SORL1: variants seen among roughly 807,000 people sequenced by gnomAD.
The protein encoded by SORL1 is sortilin-related receptor.
A neutral mutation model predicts 273.7 loss-of-function variants in SORL1; 127 were observed. The observed-to-expected ratio is 0.46, with a 90% CI of 0.40 to 0.54. SORL1 has a LOEUF of 0.54. Among genes scored for constraint, SORL1 ranks in the 20% least tolerant of loss-of-function variants. SORL1 has a pLI of 0.00. For missense variants in SORL1, 2,494 were observed against 2,846.1 expected (o/e 0.88, Z 2.81); for synonymous variants, 1,031 against 1,067.4 (o/e 0.97, Z 0.66).
intron 6 of SORL1, among the ~76,000 whole-genome samples, chr11:121,503,583 G>A (rs756184527): frequency 1.3e-5 from 2 of 151,958 alleles, no homozygotes; most frequent in Non-Finnish European, 2.9e-5. Flanking sequence ...TGAACTCCCA[G>A]GCTTAAAGGT....
intron 32 of SORL1, among the ~76,000 whole-genome samples, chr11:121,603,455 TTA>T (rs1448078569): frequency 2.0e-5 from 3 of 152,280 alleles, no homozygotes; most frequent in Non-Finnish European, 4.4e-5. Context: ...GCATTTGCAA[TTA>T]TACGGTCATT....
Position 121,522,528 on chromosome 11 carries a change from C to T in SORL1, c.1405-58C>T, listed in dbSNP as rs1433539614. On this transcript the variant is annotated intron_variant, in intron 9 of 47. Transcript: ENST00000260197. ...CCCCTCACACAGGCCGCAGGGTTTA[C>T]AGGGAACGCTAGGCATGGTATCATG... 4.6e-6 allele frequency: 6 copies of T among 1,305,014 alleles called. No homozygotes were observed. The East Asian group carries it at 6.9e-5, about 15-fold the overall frequency. The allele number at this position is 1,305,014 out of a possible 1,614,324, so 80.8% of individuals were successfully genotyped here.
intron 30 of SORL1, chr11:121,590,592 C>T (rs969757983): frequency 6.9e-6 from 4 of 583,640 alleles, no homozygotes; most frequent in Non-Finnish European, 1.2e-5. Flanking sequence ...CAGACTTGCC[C>T]CTTTCCTTTC....
chr11:121,485,148 C>G (rs888333970), intron 3 of SORL1, among the ~76,000 whole-genome samples: 1 of 151,982 alleles, frequency 6.6e-6, no homozygotes, highest in African/African-American at 2.4e-5. Context: ...GTTATATGAG[C>G]GTAGGGAGTG....
chr11:121,577,358 G>A lies in SORL1; in HGVS notation c.3538G>A (p.Asp1180Asn). 6.2e-7 allele frequency: 1 copy of A among 1,613,508 alleles called. No homozygotes were observed. Among genetic ancestry groups the A allele is most frequent in the Non-Finnish European group, 8.5e-7 (1 of 1,179,682 alleles). Residue 1180 changes from aspartate to asparagine, a missense_variant, in exon 25 of 48, where the codon GAC becomes AAC. By Grantham distance (23) the Asp-to-Asn change is conservative. Coordinates refer to ENST00000260197, the MANE Select transcript of SORL1 (RefSeq NM_003105.6). ...CIRSSWVCDG[D>N]NDCRDWSDEA... Reference sequence around the variant, plus strand: ...CCGCTCCTCCTGGGTATGTGACGGGGACAACGACTGCAGGGACTGGTCTGA... The same window carrying A: ...CCGCTCCTCCTGGGTATGTGACGGGAACAACGACTGCAGGGACTGGTCTGA...
At chr11:121,471,337 T>C (rs1861163594) in intron 2 of SORL1, among the ~76,000 whole-genome samples, 1 of 152,286 alleles carries the variant, frequency 6.6e-6, no homozygotes, top group African/African-American at 2.4e-5. Flanking sequence ...AACTGCTGAG[T>C]CTTACAAGTT....
Position 121,520,979 on chromosome 11 carries a change from G to A in SORL1, c.1404+130G>A, listed in dbSNP as rs141198600. The stretch of plus-strand genomic sequence containing the variant: ...TGGTATTCTATTAATATCACATGGA[G>A]CAGACTTCTATTTGTGTTGCTACAC... On this transcript the variant is annotated intron_variant, in intron 9 of 47. Coordinates refer to ENST00000260197, the MANE Select transcript of SORL1 (RefSeq NM_003105.6). 715 of 541,362 alleles carry A rather than the reference G, an allele frequency of 1.3e-3. 1 individual carries two copies. The highest frequency in any genetic ancestry group is 0.013 in the African/African-American group (661 of 50,980). The allele number at this position is 541,362 out of a possible 1,614,324, so 33.5% of individuals were successfully genotyped here.
chr11:121,454,344 A>G (rs1190415669), intron 1 of SORL1, among the ~76,000 whole-genome samples: 1 of 152,220 alleles, frequency 6.6e-6, no homozygotes, highest in Non-Finnish European at 1.5e-5. Context: ...GTTTAGGTTG[A>G]GGAAAAAGTT....
chr11:121,596,305 A>G lies in SORL1; in HGVS notation c.4519+533A>G, dbSNP rs1203182496. On this transcript the variant is annotated intron_variant, in intron 32 of 47. Transcript: ENST00000260197. The surrounding 1 kb of genome is among the most constrained non-coding windows in gnomAD (Gnocchi z 4.3). ...ATCTGAGCCCAGTGTGAGGTGATGC[A>G]TGCATTCTCTACGGGTTTGGAGTTG... Among the ~76,000 whole-genome samples the G allele has an allele frequency of 6.6e-6, 1 of 152,200 alleles. No homozygotes were observed. Among genetic ancestry groups the G allele is most frequent in the South Asian group, 2.1e-4 (1 of 4,832 alleles).
At chr11:121,505,200 A>T (rs952286726) in intron 6 of SORL1, among the ~76,000 whole-genome samples, 1 of 151,994 alleles carries the variant, frequency 6.6e-6, no homozygotes, top group Non-Finnish European at 1.5e-5. Context: ...TCTTTCTAGT[A>T]ATTTGTTCAT....
chr11:121,539,660 A>AT (rs916538386), intron 12 of SORL1, among the ~76,000 whole-genome samples: 9 of 151,660 alleles, frequency 5.9e-5, no homozygotes, highest in Admixed American at 3.9e-4. Context: ...TTATTCAAAG[A>AT]TTTTTTTCTT....
Position 121,627,867 on chromosome 11 carries a change from C to G in SORL1, c.6577+100C>G. 1.3e-6 allele frequency: 1 copy of G among 750,052 alleles called. No individual in the cohort carries two copies. The highest frequency in any genetic ancestry group is 2.1e-6 in the Non-Finnish European group (1 of 465,514). 46.5% of individuals were successfully genotyped at this position (750,052 alleles called of 1,614,324 possible). ...ACCCACCTTCAGCTCCTCTTTTGAC[C>G]CTGGAGGAGCTCTTCATCAGCCAGC... is the stretch of plus-strand genomic sequence containing the variant. On this transcript the variant is annotated intron_variant, in intron 47 of 47. Coordinates refer to ENST00000260197, the MANE Select transcript of SORL1 (RefSeq NM_003105.6). The surrounding 1 kb of genome is among the most constrained non-coding windows in gnomAD (Gnocchi z 4.9).
At position 121,455,618 on chromosome 11, in the gene SORL1, G is replaced by T. The variant is rs1454636830; in HGVS notation, c.285+3002G>T. Among the ~76,000 whole-genome samples the T allele has an allele frequency of 2.0e-5, 3 of 152,328 alleles. No homozygotes were observed. The East Asian group carries it at 5.8e-4, about 29-fold the overall frequency. On this transcript the variant is annotated intron_variant, in intron 1 of 47. Transcript: ENST00000260197. ...TCAGTTTCTCTAAGGTGGGGAGACC[G>T]GCTTCTGCCATGATTACTTAAAGGC...
chr11:121,629,341 A>G (rs1863841743), intron 47 of SORL1, 155 bp from the exon 48 acceptor site: 5 of 575,230 alleles, frequency 8.7e-6, no homozygotes, highest in Non-Finnish European at 1.3e-5. Context: ...AAGCTGGGCT[A>G]GGTTTCACAG....
At chr11:121,547,297 A>G (rs1005276086) in intron 14 of SORL1, among the ~76,000 whole-genome samples, 1 of 149,948 alleles carries the variant, frequency 6.7e-6, no homozygotes, top group South Asian at 2.1e-4. Flanking sequence ...AAGACTAAGT[A>G]AAAAATAGGT....
At chr11:121,456,855 G>A (rs1193736156) in intron 1 of SORL1, among the ~76,000 whole-genome samples, 1 of 152,296 alleles carries the variant, frequency 6.6e-6, no homozygotes, top group East Asian at 1.9e-4. Flanking sequence ...GGGACAAAAG[G>A]CCTCCTTTGG....
At chr11:121,629,291 A>C (rs973215143) in intron 47 of SORL1, 2 of 524,606 alleles carry the variant, frequency 3.8e-6, no homozygotes, top group South Asian at 3.0e-5. Context: ...AAATGTGAGG[A>C]TCCATCGATG....
chr11:121,604,463 A>T (rs1158244264), intron 33 of SORL1, 139 bp downstream of exon 33: 2 of 1,167,966 alleles, frequency 1.7e-6, no homozygotes, highest in African/African-American at 3.1e-5. Flanking sequence ...ATTTGTGCCT[A>T]GTTTTGGAGC....
At chr11:121,585,127 A>T (rs1373774971) in intron 26 of SORL1, among the ~76,000 whole-genome samples, 2 of 152,208 alleles carry the variant, frequency 1.3e-5, no homozygotes, top group African/African-American at 4.8e-5. Flanking sequence ...TAAAACTAGG[A>T]TTTCATACTC....
Sources: allele counts gnomAD v4.1 joint callset (sites outside exome capture counted in the v4.1 genomes callset), GRCh38; gene constraint gnomAD v4.1.1; non-coding constraint Gnocchi (gnomAD v3.1); transcripts MANE v1.5; gene names NCBI Gene and HGNC (gene_info 2026-07-23, HGNC 2026-07-21).